Variants in DLGAP2 observed in about 807,000 individuals in gnomAD.
The protein encoded by DLGAP2 is disks large-associated protein 2.
DLGAP2 carries 26 observed loss-of-function variants against 100.3 expected under a neutral mutation model. The ratio of observed to expected loss-of-function variants is 0.26; its 90% CI spans 0.19 to 0.36. The LOEUF (loss-of-function observed/expected upper bound fraction) is 0.36, where lower values mean the gene tolerates loss of function less well. DLGAP2 is among the 10% of genes least tolerant of loss of function. The probability of loss-of-function intolerance (pLI) is 1.00; values close to 1 mark genes in which losing one functional copy is unlikely to be tolerated. For missense variants in DLGAP2, 1,858 were observed against 1,453.2 expected (o/e 1.28, Z -4.53); for synonymous variants, 886 against 630.1 (o/e 1.41, Z -6.08).
chr8:1,618,922 T>G (rs2957088), intron 6 of DLGAP2, among the ~76,000 whole-genome samples: 43,117 of 152,032 alleles, frequency 0.28, 6,811 homozygotes, highest in East Asian at 0.5. Context: ...AATATCTCCA[T>G]ACATCACCAG....
intron 2 of DLGAP2, among the ~76,000 whole-genome samples, chr8:1,191,301 G>C (rs1336829808): frequency 2.6e-4 from 39 of 151,492 alleles, no homozygotes; most frequent in African/African-American, 9.4e-4. Context: ...CTCCCGAGTA[G>C]CTGGGACTAC....
At chr8:1,343,208 A>G (rs919346694) in intron 3 of DLGAP2, among the ~76,000 whole-genome samples, 1 of 152,244 alleles carries the variant, frequency 6.6e-6, no homozygotes, top group Non-Finnish European at 1.5e-5. Flanking sequence ...GGTCTAGCAC[A>G]GCAAAAGGGC....
chr8:1,028,368 G>A (rs1229983217), intron 2 of DLGAP2, among the ~76,000 whole-genome samples: 14 of 144,920 alleles, frequency 9.7e-5, no homozygotes, highest in Non-Finnish European at 1.8e-4. Context: ...TCCAGGTGGG[G>A]TGTCAGGCAC....
At chr8:1,541,673 T>C (rs150825562) in intron 4 of DLGAP2, among the ~76,000 whole-genome samples, 1 of 152,366 alleles carries the variant, frequency 6.6e-6, no homozygotes, top group Non-Finnish European at 1.5e-5. Flanking sequence ...CTAGAACCTC[T>C]GCCAGCTCAC....
chr8:1,184,000 T>G (rs1436382222), intron 2 of DLGAP2, among the ~76,000 whole-genome samples: 1 of 152,214 alleles, frequency 6.6e-6, no homozygotes, highest in African/African-American at 2.4e-5. Context: ...TTTCTGTAGC[T>G]TTTCACCATG....
At chr8:866,543 G>C (rs371474110) in intron 1 of DLGAP2, among the ~76,000 whole-genome samples, 1 of 152,056 alleles carries the variant, frequency 6.6e-6, no homozygotes, top group African/African-American at 2.4e-5. Flanking sequence ...CCTGTCAGTT[G>C]ATTCTGAAAA....
At chr8:994,664 C>T (rs961085738) in intron 2 of DLGAP2, among the ~76,000 whole-genome samples, 4 of 152,188 alleles carry the variant, frequency 2.6e-5, no homozygotes, top group African/African-American at 4.8e-5. Flanking sequence ...TGCATTTACA[C>T]ACAGGGGCTG....
chr8:1,303,896 G>A (rs1453899625), intron 3 of DLGAP2, among the ~76,000 whole-genome samples: 1 of 152,312 alleles, frequency 6.6e-6, no homozygotes, highest in African/African-American at 2.4e-5. Flanking sequence ...GGTGGAGGGA[G>A]ATGGGATTTT....
chr8:985,846 C>T (rs1296783224), intron 2 of DLGAP2, among the ~76,000 whole-genome samples: 2 of 152,190 alleles, frequency 1.3e-5, no homozygotes, highest in East Asian at 3.9e-4. Flanking sequence ...GGCACAGGAG[C>T]TGCCCATTTG....
At chr8:1,592,041 G>A (rs4563911) in intron 6 of DLGAP2, among the ~76,000 whole-genome samples, 2 of 152,068 alleles carry the variant, frequency 1.3e-5, no homozygotes, top group East Asian at 3.9e-4. Flanking sequence ...AGCTGGGGCA[G>A]TGAGTATCCA....
In DLGAP2 at chr8:1,704,564, A is replaced by G. The variant is rs756880391; in HGVS notation, c.*3158A>G. ...GTTGTTATCGATGACAATTTTTACC[A>G]TAGTTTTCTCAGCAAATTTATATCA... On this transcript the variant is annotated 3_prime_UTR_variant, in exon 15 of 15. Coordinates refer to ENST00000637795, the MANE Select transcript of DLGAP2 (RefSeq NM_001346810.2). 2.0e-5 allele frequency: 3 copies of G among 152,220 alleles called. No homozygotes were observed. The highest frequency in any genetic ancestry group is 6.5e-5 in the Admixed American group (1 of 15,276). The allele number at this position is 152,220 out of a possible 1,614,324, so 9.4% of individuals were successfully genotyped here.
At chr8:987,455 C>T (rs922411134) in intron 2 of DLGAP2, among the ~76,000 whole-genome samples, 1 of 152,182 alleles carries the variant, frequency 6.6e-6, no homozygotes, top group Non-Finnish European at 1.5e-5. Context: ...ATCAGGTCTC[C>T]AGAGACCACA....
intron 1 of DLGAP2, among the ~76,000 whole-genome samples, chr8:864,641 A>C (rs1193410448): frequency 6.6e-6 from 1 of 152,142 alleles, no homozygotes; most frequent in Non-Finnish European, 1.5e-5. Flanking sequence ...GAGGAGCTAC[A>C]AGCATAGGAT....
intron 6 of DLGAP2, among the ~76,000 whole-genome samples, chr8:1,597,416 G>A (rs988823544): frequency 4.6e-5 from 7 of 151,690 alleles, no homozygotes; most frequent in Admixed American, 6.6e-5. Context: ...AAGTCAATGG[G>A]AGCTTGATGG....
intron 3 of DLGAP2, among the ~76,000 whole-genome samples, chr8:1,437,216 A>G (rs1038671805): frequency 1.3e-5 from 2 of 151,610 alleles, no homozygotes; most frequent in Non-Finnish European, 2.9e-5. Flanking sequence ...CGTAAGGGTG[A>G]CGCCATCCGG....
intron 2 of DLGAP2, among the ~76,000 whole-genome samples, chr8:1,023,662 C>G (rs1231027225): frequency 2.0e-5 from 3 of 151,764 alleles, no homozygotes; most frequent in African/African-American, 7.2e-5. Flanking sequence ...GCTCAAATAT[C>G]ATTAGCGGCT....
intron 10 of DLGAP2, among the ~76,000 whole-genome samples, chr8:1,671,840 G>T (rs573547471): frequency 2.2e-4 from 34 of 152,360 alleles, no homozygotes; most frequent in African/African-American, 7.9e-4. Flanking sequence ...CAGGCCAGAT[G>T]CCCGTAGGAG....
intron 6 of DLGAP2, among the ~76,000 whole-genome samples, chr8:1,614,257 C>G (rs1349893104): frequency 1.3e-5 from 2 of 152,240 alleles, no homozygotes; most frequent in Admixed American, 6.5e-5. Context: ...GACCTGGGGT[C>G]TCCTGAGCAT....
At chr8:754,269 T>TACTTCCCG (rs1432613149) in intron 1 of DLGAP2, 1 of 152,140 alleles carries the variant, frequency 6.6e-6, no homozygotes, top group Admixed American at 6.5e-5. Context: ...CTCTGCCGAG[T>TACTTCCCG]ACTTCCCGAT....
Sources: allele counts gnomAD v4.1 joint callset (sites outside exome capture counted in the v4.1 genomes callset), GRCh38; gene constraint gnomAD v4.1.1; transcripts MANE v1.5; gene names NCBI Gene and HGNC (gene_info 2026-07-23, HGNC 2026-07-21).